ULK4: variants seen among roughly 807,000 people sequenced by gnomAD.
ULK4 encodes unc-51 like kinase 4.
Under a neutral mutation model 160.6 loss-of-function variants are expected in ULK4, and 133 were observed. The ratio of observed to expected loss-of-function variants is 0.83; its 90% CI spans 0.72 to 0.96. The LOEUF is 0.96. Among genes scored for constraint, ULK4 ranks in the 40% least tolerant of loss-of-function variants. ULK4 has a pLI of 0.00. For synonymous variants in ULK4, 534 were observed against 539.8 expected, an observed-to-expected ratio of 0.99 and a Z score of 0.15; for missense variants, 1,580 against 1,499.5, an observed-to-expected ratio of 1.05 and a Z score of -0.89.
intron 22 of ULK4, among the ~76,000 whole-genome samples, chr3:41,746,817 A>C (rs1471127281): frequency 4.6e-5 from 7 of 151,962 alleles, no homozygotes; most frequent in Non-Finnish European, 1.0e-4. Flanking sequence ...ATAAATTGAA[A>C]AGTTTAGAGA....
chr3:41,632,198 TAAGAGA>T (rs1260827223), intron 30 of ULK4, among the ~76,000 whole-genome samples: 2 of 152,120 alleles, frequency 1.3e-5, no homozygotes, highest in Admixed American at 6.6e-5. Context: ...GCAGTATCAG[TAAGAGA>T]AAGAATTGAC....
intron 35 of ULK4, among the ~76,000 whole-genome samples, chr3:41,314,573 T>C (rs1225282722): frequency 1.3e-5 from 2 of 152,262 alleles, no homozygotes; most frequent in African/African-American, 4.8e-5. Flanking sequence ...TTTAAGATTA[T>C]CAAATTACCT....
At chr3:41,698,186 A>G (rs2036561179) in intron 27 of ULK4, among the ~76,000 whole-genome samples, 1 of 152,132 alleles carries the variant, frequency 6.6e-6, no homozygotes, top group African/African-American at 2.4e-5. Context: ...CAAACAAGGC[A>G]TTTTTCAGAA....
intron 12 of ULK4, among the ~76,000 whole-genome samples, chr3:41,906,239 T>TAAAAAAAAAA (rs1698555818): frequency 2.2e-5 from 1 of 45,786 alleles, no homozygotes; most frequent in East Asian, 1.2e-3. Flanking sequence ...AAAAAAAAAG[T>TAAAAAAAAAA]TAAGGCCAGG....
intron 31 of ULK4, among the ~76,000 whole-genome samples, chr3:41,598,677 C>A (rs1559423050): frequency 6.8e-6 from 1 of 148,012 alleles, no homozygotes; most frequent in African/African-American, 2.6e-5. Context: ...ATATACACCC[C>A]CACACACACA....
At position 41,379,054 on chromosome 3, in the gene ULK4, G is replaced by A. The variant is rs550581505; in HGVS notation, c.3678+19025C>T. On this transcript the variant is annotated intron_variant, in intron 35 of 36. Transcript: ENST00000301831. ...GGAACATCACACACCAGGGCCTGTC[G>A]GGAGATGGGAAGCAAGGGGAGGGCT... Among the ~76,000 whole-genome samples, 27 of 151,996 alleles carry A rather than the reference G, an allele frequency of 1.8e-4. No individual in the cohort carries two copies. The East Asian group carries it at 2.9e-3, about 16-fold the overall frequency.
chr3:41,259,131 T>C (rs1462188747), intron 35 of ULK4, among the ~76,000 whole-genome samples: 2 of 145,688 alleles, frequency 1.4e-5, no homozygotes, highest in Non-Finnish European at 3.0e-5. Flanking sequence ...TATATATATA[T>C]AAAATCAGAT....
chr3:41,332,239 CTA>C (rs1466842514), intron 35 of ULK4, among the ~76,000 whole-genome samples: 1 of 151,908 alleles, frequency 6.6e-6, no homozygotes, highest in Non-Finnish European at 1.5e-5. Context: ...ACCAAGAAAC[CTA>C]TGTTTCCATT....
intron 32 of ULK4, among the ~76,000 whole-genome samples, chr3:41,512,810 C>T (rs1015959808): frequency 6.6e-6 from 1 of 152,030 alleles, no homozygotes; most frequent in African/African-American, 2.4e-5. Flanking sequence ...AAAAGAACTG[C>T]ATAGCCAAAG....
intron 29 of ULK4, among the ~76,000 whole-genome samples, chr3:41,679,020 G>T (rs1409306300): frequency 1.3e-5 from 2 of 152,120 alleles, no homozygotes; most frequent in African/African-American, 4.8e-5. Flanking sequence ...AGTTAAGGAG[G>T]TTAAATGAAT....
chr3:41,898,163 C>T (rs183470155), intron 14 of ULK4, among the ~76,000 whole-genome samples: 1 of 152,262 alleles, frequency 6.6e-6, no homozygotes, highest in East Asian at 1.9e-4. Flanking sequence ...GACCTCCCAC[C>T]CACTCTACAG....
At chr3:41,960,004 A>C (rs1339340371) in intron 1 of ULK4, among the ~76,000 whole-genome samples, 1 of 151,742 alleles carries the variant, frequency 6.6e-6, no homozygotes, top group Non-Finnish European at 1.5e-5. Context: ...CTTGAAAATA[A>C]GGTTTTAGGC....
intron 34 of ULK4, among the ~76,000 whole-genome samples, chr3:41,402,903 C>A (rs2082212527): frequency 6.6e-6 from 1 of 152,106 alleles, no homozygotes; most frequent in Non-Finnish European, 1.5e-5. Flanking sequence ...GTAATCCCAG[C>A]ACTTTGAGGG....
At chr3:41,654,560 T>C (rs978827680) in intron 30 of ULK4, among the ~76,000 whole-genome samples, 10 of 152,226 alleles carry the variant, frequency 6.6e-5, no homozygotes, top group African/African-American at 1.9e-4. Context: ...GGTAAGTATA[T>C]AGCATTATAA....
intron 11 of ULK4, 99 bp from the exon 12 acceptor site, chr3:41,908,040 G>A: frequency 1.4e-6 from 1 of 713,808 alleles, no homozygotes. Flanking sequence ...AAATGGTAGA[G>A]TATGATGATT....
chr3:41,805,733 T>A (rs1403543847), intron 19 of ULK4, among the ~76,000 whole-genome samples: 48 of 151,252 alleles, frequency 3.2e-4, no homozygotes, highest in African/African-American at 1.1e-3. Context: ...CTGCATCTAT[T>A]GAGATAATCA....
intron 34 of ULK4, among the ~76,000 whole-genome samples, chr3:41,403,720 A>G (rs969835761): frequency 6.6e-6 from 1 of 152,048 alleles, no homozygotes; most frequent in Non-Finnish European, 1.5e-5. Flanking sequence ...CCTTTTGTCT[A>G]TAAGCTTTTG....
chr3:41,956,288 C>G (rs1375260565), intron 1 of ULK4, among the ~76,000 whole-genome samples: 2 of 152,116 alleles, frequency 1.3e-5, no homozygotes, highest in African/African-American at 4.8e-5. Flanking sequence ...CTTGATTTAC[C>G]GGAGGTGAGC....
chr3:41,947,724 A>C (rs979009799), intron 2 of ULK4, among the ~76,000 whole-genome samples: 1 of 152,228 alleles, frequency 6.6e-6, no homozygotes, highest in African/African-American at 2.4e-5. Flanking sequence ...AGGAGTTTCC[A>C]AGAGCTAAGA....
Sources: allele counts gnomAD v4.1 joint callset (sites outside exome capture counted in the v4.1 genomes callset), GRCh38; gene constraint gnomAD v4.1.1; transcripts MANE v1.5; gene names NCBI Gene and HGNC (gene_info 2026-07-23, HGNC 2026-07-21).